Variants in HUWE1 observed in about 807,000 individuals in gnomAD.
HUWE1 encodes the protein E3 ubiquitin-protein ligase HUWE1.
HUWE1 carries 18 observed loss-of-function variants against 299.4 expected under a neutral mutation model. The observed-to-expected ratio is 0.06, with a 90% CI of 0.04 to 0.09. The LOEUF is 0.09. Ranked by LOEUF, HUWE1 falls within the 10% of genes least tolerant of loss-of-function variation. The pLI, the probability that HUWE1 is intolerant of heterozygous loss-of-function variation, is 1.00. For synonymous variants in HUWE1, 1,317 were observed against 1,286.1 expected, an observed-to-expected ratio of 1.02 and a Z score of -0.51; for missense variants, 1,832 against 3,462.3, an observed-to-expected ratio of 0.53 and a Z score of 11.82.
intron 5 of HUWE1, 58 bp from the exon 6 acceptor site, chrX:53,647,632 T>C: frequency 2.3e-6 from 2 of 862,145 alleles, no homozygotes; most frequent in South Asian, 4.0e-5. Flanking sequence ...GCATGGGTGC[T>C]TTCTAACTGA....
chrX:53,568,465 A>G (rs1315090883), intron 49 of HUWE1, among the ~76,000 whole-genome samples: 1 of 111,329 alleles, frequency 9.0e-6, no homozygotes, highest in Non-Finnish European at 1.9e-5. Flanking sequence ...GGTAATTTTT[A>G]AAGTGGGGGG....
At chrX:53,553,956 A>C (rs782414912) in intron 61 of HUWE1, among the ~76,000 whole-genome samples, 2 of 111,680 alleles carry the variant, frequency 1.8e-5, no homozygotes, top group Non-Finnish European at 3.8e-5. Context: ...TATCCTGTTG[A>C]AATACTGCTG....
At chrX:53,684,812 C>T (rs2070380368) in intron 2 of HUWE1, among the ~76,000 whole-genome samples, 1 of 112,412 alleles carries the variant, frequency 8.9e-6, no homozygotes, top group Non-Finnish European at 1.9e-5. Context: ...CCTCGCCGCA[C>T]TGCAGGCTAA....
At chrX:53,556,523 A>G (rs1418187976) in intron 60 of HUWE1, among the ~76,000 whole-genome samples, 1 of 112,133 alleles carries the variant, frequency 8.9e-6, no homozygotes, top group African/African-American at 3.2e-5. Context: ...GGGAGGCAGA[A>G]GAATGTTCTG....
intron 2 of HUWE1, among the ~76,000 whole-genome samples, chrX:53,682,351 T>C (rs900795554): frequency 3.6e-5 from 4 of 112,005 alleles, no homozygotes; most frequent in African/African-American, 1.3e-4. Context: ...ACACACACTA[T>C]TAATTTCACC....
chrX:53,672,668 T>C (rs1166510611), intron 3 of HUWE1, among the ~76,000 whole-genome samples: 1 of 111,851 alleles, frequency 8.9e-6, no homozygotes, highest in African/African-American at 3.3e-5. Context: ...ATAAATCTAA[T>C]ATGGCAAATA....
At chrX:53,602,467 G>A in intron 28 of HUWE1, 97 bp downstream of exon 28, 1 of 532,135 alleles carries the variant, frequency 1.9e-6, no homozygotes, top group Non-Finnish European at 3.3e-6. Context: ...CTAGACTATG[G>A]ATGATAGAAC....
intron 81 of HUWE1, 47 bp from the exon 82 acceptor site, chrX:53,534,744 C>G (rs782639241): frequency 1.3e-5 from 15 of 1,120,581 alleles, no homozygotes; most frequent in South Asian, 1.9e-5. Flanking sequence ...CTCACACAAC[C>G]GTAGAGGTCA....
chrX:53,563,854 C>T, intron 51 of HUWE1, 33 bp from the exon 52 acceptor site: 1 of 1,191,146 alleles, frequency 8.4e-7, no homozygotes, highest in Non-Finnish European at 1.1e-6. Context: ...TATGGATGCA[C>T]ACAAGTCTAT....
intron 37 of HUWE1, 71 bp from the exon 38 acceptor site, chrX:53,586,980 G>A: frequency 9.3e-7 from 1 of 1,079,951 alleles, no homozygotes; most frequent in Non-Finnish European, 1.3e-6. Context: ...GATTAGCATG[G>A]GATAGGGGAG....
In HUWE1 at chrX:53,550,952, G is replaced by A; in HGVS notation, c.9334C>T (p.Leu3112=). The A allele has an allele frequency of 1.7e-6, 2 of 1,211,847 alleles. No individual in the cohort carries two copies. The highest frequency in any genetic ancestry group is 2.2e-6 in the Non-Finnish European group (2 of 895,508). ...GCGGAGGTGCTACTGTGCCCAAACAGACGCTCATGCATGAGCTGTCGCTGC... is the reference window on the plus strand; with the variant it reads ...GCGGAGGTGCTACTGTGCCCAAACAAACGCTCATGCATGAGCTGTCGCTGC... ...ARQRQLMHER[L]FGHSSTSALS... is the part of the protein sequence containing the mutation. Residue 3112 remains leucine (L), a synonymous_variant, in exon 65 of 84, where the codon CTG becomes TTG. Transcript: ENST00000262854.
intron 53 of HUWE1, 44 bp from the exon 54 acceptor site, chrX:53,562,288 G>A (rs1569445934): frequency 8.4e-7 from 1 of 1,196,471 alleles, no homozygotes; most frequent in East Asian, 3.0e-5. Context: ...TGAGTAGCTA[G>A]AAAACAGGCT....
chrX:53,663,942 T>C (rs781896048), intron 3 of HUWE1, among the ~76,000 whole-genome samples: 5 of 111,519 alleles, frequency 4.5e-5, no homozygotes, highest in Non-Finnish European at 7.5e-5. Flanking sequence ...CCTTTAATGG[T>C]TGCCTCTAGC....
At chrX:53,593,310 G>T in intron 32 of HUWE1, 54 bp downstream of exon 32, 1 of 867,015 alleles carries the variant, frequency 1.2e-6, no homozygotes, top group Non-Finnish European at 1.7e-6. Context: ...AAAATAGAGT[G>T]GGAACGACTT....
At chrX:53,685,758 A>C (rs1409723323) in intron 2 of HUWE1, among the ~76,000 whole-genome samples, 1 of 112,036 alleles carries the variant, frequency 8.9e-6, no homozygotes, top group Non-Finnish European at 1.9e-5. Flanking sequence ...CAATTTGGAC[A>C]AATCTATCAA....
intron 49 of HUWE1, among the ~76,000 whole-genome samples, chrX:53,568,383 G>A (rs997247807): frequency 9.0e-6 from 1 of 110,895 alleles, no homozygotes; most frequent in Middle Eastern, 4.3e-3. Flanking sequence ...CTGGGTGGTA[G>A]GAATACAGTG....
At chrX:53,545,243 CT>C in intron 70 of HUWE1, 82 bp from the exon 71 acceptor site, 1 of 947,147 alleles carries the variant, frequency 1.1e-6, no homozygotes. Flanking sequence ...AAGACACCTG[CT>C]TAGGCCACTC....
At position 53,538,820 on chromosome X, in the gene HUWE1, A is replaced by G. The variant is rs781825522; in HGVS notation, c.11878+15T>C. 1 of 1,200,778 alleles carries G rather than the reference A, an allele frequency of 8.3e-7. No homozygotes were observed. Among genetic ancestry groups the G allele is most frequent in the Admixed American group, 2.2e-5 (1 of 45,105 alleles). ...TGAAGCCTTCTACACCTGGCAGCCT[A>G]AAAGTTCCCTGTACCTGCAAAGCGA... is the stretch of plus-strand genomic sequence containing the variant. On this transcript the variant is annotated intron_variant, in intron 76 of 83. Coordinates refer to ENST00000262854, the MANE Select transcript of HUWE1 (RefSeq NM_031407.7).
chrX:53,548,381 G>A, intron 67 of HUWE1, 108 bp from the exon 68 acceptor site: 2 of 929,216 alleles, frequency 2.2e-6, no homozygotes, highest in Admixed American at 2.6e-5. Flanking sequence ...GACAATTTTG[G>A]TAAATATTGG....
Sources: gnomAD v4.1 joint callset for allele counts (sites outside exome capture counted in the v4.1 genomes callset) on GRCh38, gnomAD v4.1.1 for gene constraint, MANE v1.5 for transcripts, NCBI Gene and HGNC (gene_info 2026-07-23, HGNC 2026-07-21) for gene names.